USH2A: variants seen among roughly 807,000 people sequenced by gnomAD.
USH2A encodes the protein Usher syndrome 2A (autosomal recessive, mild).
Under a neutral mutation model 538.9 loss-of-function variants are expected in USH2A, and 443 were observed. The observed-to-expected ratio is 0.82, with a 90% CI of 0.76 to 0.89. The LOEUF (loss-of-function observed/expected upper bound fraction) is 0.89. USH2A is among the 40% of genes least tolerant of loss of function. USH2A has a pLI of 0.00. For missense variants in USH2A, 6,633 were observed against 6,324.8 expected, an observed-to-expected ratio of 1.05 and a Z score of -1.65; for synonymous variants, 2,413 against 2,273.5, an observed-to-expected ratio of 1.06 and a Z score of -1.75.
At chr1:215,830,698 G>C (rs1224684188) in intron 47 of USH2A, among the ~76,000 whole-genome samples, 1 of 152,174 alleles carries the variant, frequency 6.6e-6, no homozygotes, top group African/African-American at 2.4e-5. Context: ...ATTTATGGTT[G>C]CCTCACATGC....
chr1:216,063,380 A>C (rs560915440), intron 30 of USH2A, among the ~76,000 whole-genome samples: 1 of 152,298 alleles, frequency 6.6e-6, no homozygotes, highest in African/African-American at 2.4e-5. Context: ...CTCAATTCAC[A>C]TTCCCTCCTC....
intron 21 of USH2A, among the ~76,000 whole-genome samples, chr1:216,139,941 T>G (rs1196811684): frequency 8.5e-5 from 13 of 152,204 alleles, no homozygotes; most frequent in Admixed American, 8.5e-4. Flanking sequence ...CATGAAAATC[T>G]TGTGTTAGGT....
intron 21 of USH2A, among the ~76,000 whole-genome samples, chr1:216,164,497 G>C (rs955282279): frequency 1.3e-5 from 2 of 152,114 alleles, no homozygotes; most frequent in African/African-American, 4.8e-5. Flanking sequence ...GACACATAGA[G>C]AGTCTTAGTT....
intron 20 of USH2A, among the ~76,000 whole-genome samples, chr1:216,187,253 G>T (rs2034627251): frequency 1.3e-5 from 2 of 151,756 alleles, no homozygotes; most frequent in Admixed American, 6.6e-5. Context: ...TGTCGCCATG[G>T]TGTTAATCCT....
At chr1:215,648,331 C>A (rs901163639) in intron 66 of USH2A, among the ~76,000 whole-genome samples, 197 bp downstream of exon 66, 1 of 152,198 alleles carries the variant, frequency 6.6e-6, no homozygotes, top group Non-Finnish European at 1.5e-5. Context: ...TTAAATACAT[C>A]GCAGGTAACA....
At chr1:215,756,993 G>T (rs181659515) in intron 58 of USH2A, among the ~76,000 whole-genome samples, 75 of 152,108 alleles carry the variant, frequency 4.9e-4, no homozygotes, top group African/African-American at 1.7e-3. Flanking sequence ...AATAAATTCT[G>T]TAAAGGGGGC....
Position 216,251,089 on chromosome 1 carries a change from G to C in USH2A, c.1981C>G (p.Gln661Glu), listed in dbSNP as rs140955723. 24 of 1,613,908 alleles carry C rather than the reference G, an allele frequency of 1.5e-5. No homozygotes were observed. The African/African-American group carries it at 2.7e-4, about 18-fold the overall frequency. The change falls in exon 12 of 72, where the codon CAG becomes GAG. Residue 661 changes from glutamine to glutamate, a missense_variant. Transcript: ENST00000307340. ...GACACGTGTCTCTTACAATTACACT[G>C]TCCTCCAATCTAGAGAAGATACAAC... ...GSILCDQIGGQCNCKRHVSGR... is the reference protein window; with the variant it reads ...GSILCDQIGGECNCKRHVSGR...
intron 14 of USH2A, among the ~76,000 whole-genome samples, chr1:216,229,226 C>T (rs2035627054): frequency 6.6e-6 from 1 of 151,878 alleles, no homozygotes; most frequent in Non-Finnish European, 1.5e-5. Context: ...TAGAAATCTA[C>T]TCAGCTTCTC....
intron 61 of USH2A, among the ~76,000 whole-genome samples, chr1:215,721,498 G>A (rs1388275188): frequency 6.6e-6 from 1 of 152,162 alleles, no homozygotes; most frequent in Non-Finnish European, 1.5e-5. Context: ...GGGTGAGCAA[G>A]GGAATCCTGA....
chr1:216,246,521 A>G, intron 13 of USH2A, 64 bp downstream of exon 13: 3 of 1,610,226 alleles, frequency 1.9e-6, no homozygotes, highest in Non-Finnish European at 2.5e-6. Context: ...AACAGGGAGA[A>G]GTTACCTAAG....
At chr1:216,186,202 A>C (rs2102651113) in intron 20 of USH2A, among the ~76,000 whole-genome samples, 1 of 151,880 alleles carries the variant, frequency 6.6e-6, no homozygotes, top group East Asian at 1.9e-4. Context: ...AATTGGGTAG[A>C]AGAAAAATTT....
chr1:215,865,808 C>A (rs1361930167), intron 44 of USH2A, among the ~76,000 whole-genome samples: 1 of 152,156 alleles, frequency 6.6e-6, no homozygotes, highest in Non-Finnish European at 1.5e-5. Context: ...CACAGATAAA[C>A]CTAACCTACT....
rs2102625486 is a variant in USH2A, at chr1:215,629,094, CAG to C, written c.15298-61_15298-60del. The C allele has an allele frequency of 6.6e-6, 10 of 1,507,462 alleles. No individual in the cohort carries two copies. The Middle Eastern group carries it at 7.1e-4, about 107-fold the overall frequency. The allele number at this position is 1,507,462 out of a possible 1,614,324, so 93.4% of individuals were successfully genotyped here. A position where few individuals can be genotyped will look rare whatever the true frequency, so the allele number is the denominator to read the frequency against. ...TAAAGAATATGGGCTTGAAATATGA[CAG>C]AGAATTGTGTCTCACACATTGTCAG... On this transcript the variant is annotated intron_variant, in intron 70 of 71. Transcript: ENST00000307340.
At chr1:215,805,200 G>T (rs1357684565) in intron 49 of USH2A, among the ~76,000 whole-genome samples, 1 of 151,896 alleles carries the variant, frequency 6.6e-6, no homozygotes, top group Non-Finnish European at 1.5e-5. Context: ...CGAGTTAATG[G>T]GTGCAACATA....
chr1:216,403,850 C>T (rs935186938), intron 3 of USH2A, among the ~76,000 whole-genome samples: 40 of 152,048 alleles, frequency 2.6e-4, no homozygotes, highest in Admixed American at 2.6e-3. Flanking sequence ...GGCAGTTTCC[C>T]ACATGCTGTT....
chr1:216,137,093 T>C (rs2102607321), intron 21 of USH2A, among the ~76,000 whole-genome samples: 1 of 152,302 alleles, frequency 6.6e-6, no homozygotes, highest in Admixed American at 6.5e-5. Flanking sequence ...AGAACTAAAA[T>C]GCTGAAAGAC....
intron 55 of USH2A, among the ~76,000 whole-genome samples, chr1:215,768,409 T>C (rs1230085423): frequency 6.6e-6 from 1 of 152,262 alleles, no homozygotes; most frequent in Non-Finnish European, 1.5e-5. Flanking sequence ...CTGGGTTCTC[T>C]GCTAAAGCAA....
At chr1:215,916,593 T>C (rs1179094127) in intron 38 of USH2A, among the ~76,000 whole-genome samples, 2 of 152,070 alleles carry the variant, frequency 1.3e-5, no homozygotes, top group African/African-American at 4.8e-5. Context: ...AATGGGCAGA[T>C]TTCACCTAGG....
At chr1:215,878,140 T>G (rs187240386) in intron 42 of USH2A, among the ~76,000 whole-genome samples, 2 of 152,336 alleles carry the variant, frequency 1.3e-5, no homozygotes, top group East Asian at 3.9e-4. Context: ...TTTAGATTTC[T>G]TCTAAGTTAG....
Sources: gnomAD v4.1 joint callset for allele counts (sites outside exome capture counted in the v4.1 genomes callset) on GRCh38, gnomAD v4.1.1 for gene constraint, MANE v1.5 for transcripts, NCBI Gene and HGNC (gene_info 2026-07-23, HGNC 2026-07-21) for gene names.